The following DHX35 variants were observed in gnomAD, a reference collection of about 807,000 sequenced individuals.
DHX35 encodes DEAH-box helicase 35.
Under a neutral mutation model 99.6 loss-of-function variants are expected in DHX35, and 84 were observed. The observed-to-expected ratio is 0.84, with a 90% CI of 0.71 to 1.01. DHX35 has a LOEUF of 1.01. Ranked by LOEUF, DHX35 falls within the 50% of genes least tolerant of loss-of-function variation. The probability of loss-of-function intolerance (pLI) is 0.00; values close to 1 mark genes in which losing one functional copy is unlikely to be tolerated. For synonymous variants in DHX35, 331 were observed against 316.2 expected, an observed-to-expected ratio of 1.05 and a Z score of -0.50; for missense variants, 852 against 888.5, an observed-to-expected ratio of 0.96 and a Z score of 0.52.
At chr20:39,021,709 CT>C in intron 15 of DHX35, 131 bp from the exon 16 acceptor site, 1 of 889,572 alleles carries the variant, frequency 1.1e-6, no homozygotes. Context: ...ATACTATACA[CT>C]TTAAAAATTA....
intron 3 of DHX35, among the ~76,000 whole-genome samples, chr20:38,982,992 C>T (rs1229796075): frequency 6.7e-6 from 1 of 149,248 alleles, no homozygotes; most frequent in Non-Finnish European, 1.5e-5. Context: ...GTGGCAGGAT[C>T]TTGGCTCACT....
Position 39,018,819 on chromosome 20 carries a change from G to A in DHX35, c.1418G>A (p.Cys473Tyr). ...CTTATGGCAGGTCTGGACAAAGACT[G>A]TCGCCTAACTGAACCGCTTGGCATG... ...LYALGGLDKD[C>Y]RLTEPLGMRI... The change falls in exon 15 of 22, where the codon TGT (cysteine) becomes TAT (tyrosine). Residue 473 changes from cysteine (C) to tyrosine (Y), a missense_variant. Transcript: ENST00000252011. The A allele has an allele frequency of 6.2e-7, 1 of 1,613,870 alleles. No homozygotes were observed. The highest frequency in any genetic ancestry group is 8.5e-7 in the Non-Finnish European group (1 of 1,179,878).
chr20:38,986,265 G>A (rs1355768472), intron 4 of DHX35, among the ~76,000 whole-genome samples: 2 of 150,522 alleles, frequency 1.3e-5, no homozygotes, highest in Non-Finnish European at 2.9e-5. Context: ...CAGTCTAGTT[G>A]ATGAGGTTAT....
At chr20:39,035,397 G>A (rs978921078) in intron 21 of DHX35, among the ~76,000 whole-genome samples, 1 of 152,176 alleles carries the variant, frequency 6.6e-6, no homozygotes, top group Non-Finnish European at 1.5e-5. Context: ...TTACAGCCCT[G>A]TGCTGTTTGT....
At chr20:38,994,100 T>A (rs1036222054) in intron 7 of DHX35, among the ~76,000 whole-genome samples, 1 of 152,214 alleles carries the variant, frequency 6.6e-6, no homozygotes, top group African/African-American at 2.4e-5. Context: ...GTTATTATTA[T>A]TATTTTCATT....
chr20:38,970,846 G>GA (rs201023264), intron 2 of DHX35, among the ~76,000 whole-genome samples: 25,145 of 134,514 alleles, frequency 0.19, 2,251 homozygotes, highest in Middle Eastern at 0.32. Flanking sequence ...AACAGCAAAT[G>GA]AAAAAAAAAA....
intron 19 of DHX35, chr20:39,029,715 G>A (rs759651565): frequency 6.6e-6 from 1 of 152,048 alleles, no homozygotes; most frequent in African/African-American, 2.4e-5. Context: ...ACTAGCGTTT[G>A]GAAAATTCTT....
At position 39,039,519 on chromosome 20, in the gene DHX35, T is replaced by TC. The variant is rs1282232564; in HGVS notation, c.*981dup. 2.0e-5 allele frequency: 3 copies of TC among 152,304 alleles called. No individual in the cohort carries two copies. Among genetic ancestry groups the TC allele is most frequent in the Admixed American group, 6.5e-5 (1 of 15,276 alleles). 9.4% of individuals were successfully genotyped at this position (152,304 alleles called of 1,614,324 possible). A position where few individuals can be genotyped will look rare whatever the true frequency, so the allele number is the denominator to read the frequency against. On this transcript the variant is annotated 3_prime_UTR_variant, in exon 22 of 22. Coordinates refer to ENST00000252011, the MANE Select transcript of DHX35 (RefSeq NM_021931.4). ...CAACACATGCCAGATGCAGATTTTT[T>TC]CCCCCTTACTGTTTCAATGACCTTT...
At position 39,038,274 on chromosome 20, in the gene DHX35, C is replaced by T. The variant is rs78988444; in HGVS notation, c.2068-225C>T. Among the ~76,000 whole-genome samples the T allele has an allele frequency of 9.0e-3, 1,368 of 152,306 alleles. 9 individuals carry two copies. The highest frequency in any genetic ancestry group is 0.024 in the Middle Eastern group (7 of 294). On this transcript the variant is annotated intron_variant, in intron 21 of 21. Coordinates refer to ENST00000252011, the MANE Select transcript of DHX35 (RefSeq NM_021931.4). ...AGAGCCCTGTATAACCAGCTTCAGC[C>T]GCTGTGGCTTGGGCCTCGGGTTGCT...
At chr20:39,037,951 G>T (rs1346218792) in intron 21 of DHX35, among the ~76,000 whole-genome samples, 1 of 152,166 alleles carries the variant, frequency 6.6e-6, no homozygotes, top group African/African-American at 2.4e-5. Context: ...ACTAGGAGGT[G>T]TCCTTTCTGT....
intron 15 of DHX35, 97 bp downstream of exon 15, chr20:39,018,996 G>T: frequency 1.9e-6 from 2 of 1,055,028 alleles, no homozygotes. Context: ...GGTACAATAT[G>T]GTAAAGAAGT....
intron 21 of DHX35, among the ~76,000 whole-genome samples, chr20:39,037,024 C>T (rs1277413688): frequency 6.6e-6 from 1 of 152,180 alleles, no homozygotes; most frequent in Non-Finnish European, 1.5e-5. Context: ...TTTCCATCAC[C>T]ACTGTTTTTC....
chr20:39,001,200 G>A (rs901802473), intron 8 of DHX35, among the ~76,000 whole-genome samples: 8 of 152,172 alleles, frequency 5.3e-5, no homozygotes, highest in Admixed American at 1.3e-4. Context: ...ACTGTAGGGC[G>A]TGTAAAGATG....
chr20:38,969,123 G>C lies in DHX35; in HGVS notation c.83G>C (p.Ser28Thr), dbSNP rs368077954. 2 of 1,613,706 alleles carry C rather than the reference G, an allele frequency of 1.2e-6. No homozygotes were observed. The highest frequency in any genetic ancestry group is 1.7e-6 in the Non-Finnish European group (2 of 1,179,692). The change falls in exon 2 of 22, where the codon AGT becomes ACT. Residue 28 changes from serine to threonine, a missense_variant. Ser to Thr is a moderately conservative substitution (Grantham distance 58). Coordinates refer to ENST00000252011, the MANE Select transcript of DHX35 (RefSeq NM_021931.4). Reference protein sequence around the residue: ...PGVSISEERQSLAENSGTTVV... With the variant: ...PGVSISEERQTLAENSGTTVV... ...GTAAGCATCTCTGAAGAGAGACAAA[G>C]TCTGGCTGAAAACTCTGGGACAACG...
In DHX35 at chr20:39,038,636, C is replaced by CA; in HGVS notation, c.*93_*94insA. 1.5e-6 allele frequency: 2 copies of CA among 1,341,876 alleles called. No homozygotes were observed. The highest frequency in any genetic ancestry group is 1.0e-6 in the Non-Finnish European group (1 of 967,218). 83.1% of individuals were successfully genotyped at this position (1,341,876 alleles called of 1,614,324 possible). The stretch of plus-strand genomic sequence containing the variant: ...CAGGTGGGGTGAGCTGGCACCAGCT[C>CA]CTGTGGAATGTTTGGTTGCTCTGAA... On this transcript the variant is annotated 3_prime_UTR_variant, in exon 22 of 22. Transcript: ENST00000252011.
intron 13 of DHX35, among the ~76,000 whole-genome samples, chr20:39,011,121 T>C (rs2086696176): frequency 6.6e-6 from 1 of 152,070 alleles, no homozygotes; most frequent in Non-Finnish European, 1.5e-5. Context: ...TTAGTCAGTT[T>C]TTATTTCTTC....
rs1450304570 is a variant in DHX35, at chr20:39,010,411, C to A, written c.1347+7C>A. The A allele has an allele frequency of 1.2e-6, 2 of 1,613,822 alleles. No individual in the cohort carries two copies. The highest frequency in any genetic ancestry group is 1.7e-6 in the Non-Finnish European group (2 of 1,179,840). On this transcript the variant is annotated splice_region_variant and intron_variant, in intron 13 of 21. Coordinates refer to ENST00000252011, the MANE Select transcript of DHX35 (RefSeq NM_021931.4). ...CAGGTTCCACTTCATGTCGGTAAGT[C>A]CTGCCTGCTGTCTGGGGCCATAGGG...
In DHX35 at chr20:39,038,516, C is replaced by T. The variant is rs2087193174; in HGVS notation, c.2085C>T (p.Ala695=). 1.2e-6 allele frequency: 2 copies of T among 1,613,358 alleles called. No individual in the cohort carries two copies. Among genetic ancestry groups the T allele is most frequent in the Non-Finnish European group, 1.7e-6 (2 of 1,179,988 alleles). The stretch of plus-strand genomic sequence containing the variant: ...TGTTGCAGCACCTGTCTCTGAAAGC[C>T]AAAAGGGCCAAGGTCCAGGACCCGT... ...YQQGTHLSLK[A]KRAKVQDP is the part of the protein sequence containing the mutation. The change falls in exon 22 of 22, where the codon GCC becomes GCT. Residue 695 remains alanine (A), a synonymous_variant. Coordinates refer to ENST00000252011, the MANE Select transcript of DHX35 (RefSeq NM_021931.4).
Position 38,992,410 on chromosome 20 carries a change from T to C in DHX35, c.567T>C (p.Ile189=), listed in dbSNP as rs147455645. The C allele has an allele frequency of 3.2e-5, 51 of 1,614,002 alleles. No individual in the cohort carries two copies. The highest frequency in any genetic ancestry group is 4.2e-5 in the Non-Finnish European group (50 of 1,179,978). ...GGACCTTGTACACTGACATTGCCAT[T>C]GGCTTGCTAAAAAAGGTATGACTTC... ...HERTLYTDIA[I]GLLKKIQKKR... Residue 189 remains isoleucine, a synonymous_variant, in exon 7 of 22, where the codon ATT becomes ATC. Coordinates refer to ENST00000252011, the MANE Select transcript of DHX35 (RefSeq NM_021931.4).
Sources: allele counts gnomAD v4.1 joint callset (sites outside exome capture counted in the v4.1 genomes callset), GRCh38; gene constraint gnomAD v4.1.1; transcripts MANE v1.5; gene names NCBI Gene and HGNC (gene_info 2026-07-23, HGNC 2026-07-21).